IL16: variants seen among roughly 807,000 people sequenced by gnomAD.
The protein encoded by IL16 is interleukin 16, also known as pro-interleukin-16.
Under a neutral mutation model 110.1 loss-of-function variants are expected in IL16, and 67 were observed. The ratio of observed to expected loss-of-function variants is 0.61; its 90% CI spans 0.50 to 0.75. IL16 has a LOEUF of 0.75. Among genes scored for constraint, IL16 ranks in the 30% least tolerant of loss-of-function variants. IL16 has a pLI of 0.00. For synonymous variants in IL16, 689 were observed against 662.9 expected (o/e 1.04, Z -0.61); for missense variants, 1,545 against 1,655.0 (o/e 0.93, Z 1.15).
chr15:81,277,462 T>G (rs1898965863), intron 6 of IL16, among the ~76,000 whole-genome samples: 1 of 151,796 alleles, frequency 6.6e-6, no homozygotes, highest in African/African-American at 2.4e-5. Context: ...TTTTTTTTTT[T>G]GAGACAGGAT....
chr15:81,210,206 T>C (rs776817893), intron 1 of IL16, among the ~76,000 whole-genome samples: 3 of 152,168 alleles, frequency 2.0e-5, no homozygotes, highest in Non-Finnish European at 4.4e-5. Flanking sequence ...GAGTTTTGTA[T>C]TTCGTTTCAT....
intron 10 of IL16, among the ~76,000 whole-genome samples, 181 bp from the exon 11 acceptor site, chr15:81,290,272 A>T (rs1899649389): frequency 6.6e-6 from 1 of 152,200 alleles, no homozygotes. Context: ...TATCTAGAAG[A>T]TACTGAGGAA....
intron 15 of IL16, 121 bp downstream of exon 15, chr15:81,301,633 C>T: frequency 1.3e-6 from 1 of 784,170 alleles, no homozygotes. Flanking sequence ...CAGGTTGCGT[C>T]CTGTGATGGT....
intron 9 of IL16, 91 bp from the exon 10 acceptor site, chr15:81,285,607 C>T: frequency 7.2e-7 from 1 of 1,381,286 alleles, no homozygotes; most frequent in Non-Finnish European, 1.0e-6. Flanking sequence ...TCTCATCAAA[C>T]AGCCCAGCCA....
intron 16 of IL16, chr15:81,305,661 T>C: frequency 1.8e-6 from 1 of 552,216 alleles, no homozygotes; most frequent in Non-Finnish European, 3.2e-6. Flanking sequence ...TGGTACACTA[T>C]AGGACGTTGT....
chr15:81,184,765 A>T (rs1895394346), intron 1 of IL16, among the ~76,000 whole-genome samples: 1 of 152,234 alleles, frequency 6.6e-6, no homozygotes, highest in Non-Finnish European at 1.5e-5. Context: ...CTTGCATAGA[A>T]GTGTGCCTTT....
chr15:81,289,200 G>A (rs183699609), intron 10 of IL16, among the ~76,000 whole-genome samples: 46 of 152,122 alleles, frequency 3.0e-4, no homozygotes, highest in Non-Finnish European at 5.4e-4. Context: ...AGGCTCGAGC[G>A]CAGTGGCACG....
At chr15:81,200,329 T>G (rs964491883) in intron 1 of IL16, among the ~76,000 whole-genome samples, 1 of 151,750 alleles carries the variant, frequency 6.6e-6, no homozygotes, top group Non-Finnish European at 1.5e-5. Flanking sequence ...AAGTCAAGAT[T>G]TTTTTAATTT....
chr15:81,187,286 C>T (rs1043421109), intron 1 of IL16, among the ~76,000 whole-genome samples: 3 of 152,132 alleles, frequency 2.0e-5, no homozygotes, highest in African/African-American at 7.2e-5. Flanking sequence ...AAAGCACACC[C>T]CTAGCAAGGC....
chr15:81,191,870 A>T (rs1444830887), intron 1 of IL16, among the ~76,000 whole-genome samples: 7 of 152,234 alleles, frequency 4.6e-5, no homozygotes, highest in Non-Finnish European at 7.3e-5. Context: ...GGAGAGGCAG[A>T]GGTGGAAGCT....
intron 1 of IL16, among the ~76,000 whole-genome samples, chr15:81,188,607 C>T (rs1394832809): frequency 6.6e-6 from 1 of 152,158 alleles, no homozygotes; most frequent in African/African-American, 2.4e-5. Flanking sequence ...GCAAACCCCT[C>T]CTGTGACTAG....
rs184799977 is a variant in IL16 at position 81,269,450 on chromosome 15, C to G, written c.565-88C>G. 7.1e-4 allele frequency: 628 copies of G among 886,740 alleles called. 4 individuals are homozygous for G. The African/African-American group carries it at 8.6e-3, about 12-fold the overall frequency. The allele number at this position is 886,740 out of a possible 1,614,324, so 54.9% of individuals were successfully genotyped here. A position where few individuals can be genotyped will look rare whatever the true frequency, so the allele number is the denominator to read the frequency against. ...AGGAGAAAGAGGACTTGGTTCCTCT[C>G]TTTGGCTGGGCTTTTCCCCTTCCTT... On this transcript the variant is annotated intron_variant, in intron 4 of 18. Coordinates refer to ENST00000683961, the MANE Select transcript of IL16 (RefSeq NM_172217.5).
At chr15:81,293,421 G>T (rs565595813) in intron 12 of IL16, among the ~76,000 whole-genome samples, 3 of 152,142 alleles carry the variant, frequency 2.0e-5, no homozygotes, top group Non-Finnish European at 4.4e-5. Flanking sequence ...ACTAAAAAGG[G>T]GCCTGGCACG....
chr15:81,202,973 C>T (rs1179289357), intron 1 of IL16, among the ~76,000 whole-genome samples: 2 of 151,972 alleles, frequency 1.3e-5, no homozygotes, highest in East Asian at 1.9e-4. Flanking sequence ...TCTCCACATC[C>T]TCTCCAGCAC....
chr15:81,307,672 A>T (rs1167154989), intron 18 of IL16, among the ~76,000 whole-genome samples: 1 of 152,186 alleles, frequency 6.6e-6, no homozygotes, highest in Non-Finnish European at 1.5e-5. Flanking sequence ...CTTCACCACC[A>T]TGGGCCCATT....
In IL16 at chr15:81,313,973, A is replaced by G. The variant is rs1273945653; in HGVS notation, c.*5175A>G. 6.6e-6 allele frequency: 1 copy of G among 152,230 alleles called. No homozygotes were observed. Among genetic ancestry groups the G allele is most frequent in the Non-Finnish European group, 1.5e-5 (1 of 68,038 alleles). The allele number at this position is 152,230 out of a possible 1,614,324, so 9.4% of individuals were successfully genotyped here. A position where few individuals can be genotyped will look rare whatever the true frequency, so the allele number is the denominator to read the frequency against. ...AAGCCTGGCATGAAAGAGATGGGCA[A>G]AAATATAAAAACAATGCCACTCTTT... On this transcript the variant is annotated 3_prime_UTR_variant, in exon 19 of 19. Transcript: ENST00000683961.
At chr15:81,190,155 G>A (rs1003679851) in intron 1 of IL16, among the ~76,000 whole-genome samples, 1 of 152,184 alleles carries the variant, frequency 6.6e-6, no homozygotes, top group Non-Finnish European at 1.5e-5. Flanking sequence ...CTGAACACAT[G>A]GTTCCTGCCA....
intron 2 of IL16, among the ~76,000 whole-genome samples, chr15:81,251,160 A>G (rs1487005740): frequency 6.6e-6 from 1 of 151,820 alleles, no homozygotes; most frequent in Non-Finnish European, 1.5e-5. Context: ...CAACCTTTCT[A>G]CTTGTTTTTG....
intron 3 of IL16, among the ~76,000 whole-genome samples, chr15:81,263,973 C>T (rs1385529785): frequency 1.3e-5 from 2 of 152,154 alleles, no homozygotes; most frequent in Non-Finnish European, 2.9e-5. Context: ...TGACGAGCCA[C>T]CTGCATCATC....
Sources: allele counts gnomAD v4.1 joint callset (sites outside exome capture counted in the v4.1 genomes callset), GRCh38; gene constraint gnomAD v4.1.1; transcripts MANE v1.5; gene names NCBI Gene and HGNC (gene_info 2026-07-23, HGNC 2026-07-21).